The following CCSER1 variants were observed in gnomAD, a reference collection of about 807,000 sequenced individuals.
CCSER1 encodes serine-rich coiled-coil domain-containing protein 1.
Under a neutral mutation model 82.0 loss-of-function variants are expected in CCSER1, and 41 were observed. The ratio of observed to expected loss-of-function variants is 0.50; its 90% CI spans 0.39 to 0.65. CCSER1 has a LOEUF of 0.65. CCSER1 is among the 30% of genes least tolerant of loss of function. The pLI, the probability that CCSER1 is intolerant of heterozygous loss-of-function variation, is 0.00. For synonymous variants in CCSER1, 414 were observed against 383.9 expected (o/e 1.08, Z -0.92); for missense variants, 1,119 against 1,064.2 (o/e 1.05, Z -0.72).
intron 10 of CCSER1, among the ~76,000 whole-genome samples, chr4:91,547,645 AATT>A (rs995964778): frequency 5.9e-5 from 9 of 152,150 alleles, no homozygotes; most frequent in African/African-American, 2.2e-4. Flanking sequence ...TCTGTCTTAT[AATT>A]GTTATATTTC....
At chr4:91,432,781 T>C (rs1560666302) in intron 10 of CCSER1, among the ~76,000 whole-genome samples, 1 of 152,204 alleles carries the variant, frequency 6.6e-6, no homozygotes, top group Non-Finnish European at 1.5e-5. Flanking sequence ...TTTGTAGTAA[T>C]AGAACTTCTA....
At chr4:90,494,293 T>C (rs909427399) in intron 5 of CCSER1, among the ~76,000 whole-genome samples, 1 of 152,140 alleles carries the variant, frequency 6.6e-6, no homozygotes, top group Non-Finnish European at 1.5e-5. Flanking sequence ...CAAAGAGACT[T>C]AGACTCCCAC....
intron 7 of CCSER1, among the ~76,000 whole-genome samples, chr4:90,779,061 G>T (rs940134983): frequency 2.6e-5 from 4 of 151,956 alleles, no homozygotes; most frequent in African/African-American, 2.4e-5. Context: ...CTTCCTTTCA[G>T]ATTTATGCAA....
chr4:91,500,711 T>C (rs1759163032), intron 10 of CCSER1, among the ~76,000 whole-genome samples: 1 of 152,046 alleles, frequency 6.6e-6, no homozygotes, highest in Non-Finnish European at 1.5e-5. Context: ...CATTTTGTGC[T>C]TAGATTTTCC....
At chr4:90,166,251 G>T (rs1479604625) in intron 1 of CCSER1, among the ~76,000 whole-genome samples, 3 of 151,918 alleles carry the variant, frequency 2.0e-5, no homozygotes, top group Non-Finnish European at 2.9e-5. Flanking sequence ...GCTTGGCTAA[G>T]CTCTATGGAT....
chr4:91,078,346 GAC>G (rs1303908294), intron 9 of CCSER1, among the ~76,000 whole-genome samples: 2 of 152,162 alleles, frequency 1.3e-5, no homozygotes, highest in Non-Finnish European at 1.5e-5. Context: ...AACTCCAACA[GAC>G]CTGCAGCTGA....
At chr4:90,780,717 GCTCCAAGAATA>G (rs1561124112) in intron 7 of CCSER1, 1 of 1,296,794 alleles carries the variant, frequency 7.7e-7, no homozygotes. Flanking sequence ...AGGCCTCCTT[GCTCCAAGAATA>G]CTCCCTTTTT....
chr4:90,537,472 A>G (rs953990563), intron 5 of CCSER1, among the ~76,000 whole-genome samples: 1 of 151,988 alleles, frequency 6.6e-6, no homozygotes, highest in Admixed American at 6.6e-5. Flanking sequence ...CCTGAGGTCA[A>G]TCAGCTCTTT....
intron 8 of CCSER1, among the ~76,000 whole-genome samples, chr4:90,852,898 C>T (rs1417799387): frequency 6.6e-6 from 1 of 152,098 alleles, no homozygotes; most frequent in Non-Finnish European, 1.5e-5. Flanking sequence ...TGGTTCAAAA[C>T]TCTCTTTAGG....
At chr4:91,446,675 A>AT (rs5860237) in intron 10 of CCSER1, among the ~76,000 whole-genome samples, 71,802 of 143,498 alleles carry the variant, frequency 0.5, 18,682 homozygotes, top group African/African-American at 0.64. Context: ...TTAAATAAAT[A>AT]AATATATATA....
At chr4:90,529,345 T>A (rs934007912) in intron 5 of CCSER1, among the ~76,000 whole-genome samples, 38 of 152,092 alleles carry the variant, frequency 2.5e-4, no homozygotes, top group African/African-American at 9.2e-4. Context: ...CTCTCATGCC[T>A]CAGCCTCTTG....
At chr4:90,140,916 C>G (rs191029899) in intron 1 of CCSER1, among the ~76,000 whole-genome samples, 2 of 152,064 alleles carry the variant, frequency 1.3e-5, no homozygotes, top group African/African-American at 4.8e-5. Flanking sequence ...CTGCCCGCCT[C>G]AGCCTCCCAA....
At chr4:90,128,440 C>G (rs948234470) in intron 1 of CCSER1, among the ~76,000 whole-genome samples, 14 of 152,240 alleles carry the variant, frequency 9.2e-5, no homozygotes, top group African/African-American at 3.1e-4. Context: ...ACGGCAGCGA[C>G]TTAGATTGAA....
intron 1 of CCSER1, among the ~76,000 whole-genome samples, chr4:90,298,309 A>T (rs1001247736): frequency 6.6e-5 from 10 of 151,930 alleles, no homozygotes; most frequent in Non-Finnish European, 1.3e-4. Context: ...ATCTGATGTT[A>T]GTTTGTATTT....
chr4:91,299,752 A>C (rs1744522011), intron 10 of CCSER1, among the ~76,000 whole-genome samples: 1 of 151,772 alleles, frequency 6.6e-6, no homozygotes, highest in Non-Finnish European at 1.5e-5. Flanking sequence ...ACAATAAAAA[A>C]TTTTAGCAGG....
At chr4:91,570,558 G>A (rs1415710360) in intron 10 of CCSER1, among the ~76,000 whole-genome samples, 2 of 152,178 alleles carry the variant, frequency 1.3e-5, no homozygotes, top group Non-Finnish European at 2.9e-5. Flanking sequence ...AGCCACCAAG[G>A]CTTGGGGCTT....
chr4:90,176,557 A>G (rs1732708320), intron 1 of CCSER1, among the ~76,000 whole-genome samples: 1 of 152,166 alleles, frequency 6.6e-6, no homozygotes, highest in Middle Eastern at 3.4e-3. Flanking sequence ...ATTTCCTATG[A>G]GGGATATTTT....
chr4:91,193,476 C>T (rs1168799971), intron 10 of CCSER1, among the ~76,000 whole-genome samples: 1 of 152,138 alleles, frequency 6.6e-6, no homozygotes, highest in East Asian at 1.9e-4. Context: ...TAGCTGTGCA[C>T]TCTGTTATAA....
intron 10 of CCSER1, among the ~76,000 whole-genome samples, chr4:91,315,170 TGTGTGTGTGTAA>T (rs1295297298): frequency 2.0e-5 from 3 of 151,722 alleles, no homozygotes; most frequent in Admixed American, 2.0e-4. Context: ...TGTGTGTGTG[TGTGTGTGTGTAA>T]GTGTGTAATT....
Sources: allele counts gnomAD v4.1 joint callset (sites outside exome capture counted in the v4.1 genomes callset), GRCh38; gene constraint gnomAD v4.1.1; transcripts MANE v1.5; gene names NCBI Gene and HGNC (gene_info 2026-07-23, HGNC 2026-07-21).